PRKN: variants seen among roughly 807,000 people sequenced by gnomAD.
PRKN encodes the protein E3 ubiquitin-protein ligase parkin.
A neutral mutation model predicts 59.5 loss-of-function variants in PRKN; 56 were observed. The observed-to-expected ratio is 0.94, with a 90% CI of 0.76 to 1.18. The LOEUF is 1.18. PRKN is among the 50% of genes most tolerant of loss of function. The pLI, the probability that PRKN is intolerant of heterozygous loss-of-function variation, is 0.00. For synonymous variants in PRKN, 250 were observed against 222.1 expected (o/e 1.13, Z -1.12); for missense variants, 657 against 596.4 (o/e 1.10, Z -1.06).
intron 6 of PRKN, among the ~76,000 whole-genome samples, chr6:161,970,054 AT>A (rs1451525713): frequency 6.6e-6 from 1 of 151,944 alleles, no homozygotes; most frequent in Non-Finnish European, 1.5e-5. Context: ...TTCATTTTTT[AT>A]TTTTTTGAGA....
At chr6:162,583,842 A>G (rs923043873) in intron 1 of PRKN, among the ~76,000 whole-genome samples, 1 of 152,156 alleles carries the variant, frequency 6.6e-6, no homozygotes, top group East Asian at 1.9e-4. Flanking sequence ...AATATAACCC[A>G]CCACTATCCT....
intron 2 of PRKN, among the ~76,000 whole-genome samples, chr6:162,302,972 AC>A (rs1287904015): frequency 1.4e-4 from 17 of 124,418 alleles, no homozygotes; most frequent in African/African-American, 7.2e-4. Context: ...ATACACACAC[AC>A]ACACACACAC....
chr6:161,527,012 C>A lies in PRKN; in HGVS notation c.1083+21842G>T, dbSNP rs1055758254. ...GCTATCTTGTTATACCGATAGAAAG[C>A]CTCAGGAGTAGTAAAAGTTGTTTCA... On this transcript the variant is annotated intron_variant, in intron 9 of 11. Coordinates refer to ENST00000366898, the MANE Select transcript of PRKN (RefSeq NM_004562.3). This position sits in a 1 kb window ranked among gnomAD's most constrained non-coding sequence, Gnocchi z 4.6. Among the ~76,000 whole-genome samples, 1 of 152,062 alleles carries A rather than the reference C, an allele frequency of 6.6e-6. No individual in the cohort carries two copies. The highest frequency in any genetic ancestry group is 2.4e-5 in the African/African-American group (1 of 41,392).
intron 7 of PRKN, among the ~76,000 whole-genome samples, chr6:161,723,939 C>T (rs1415639013): frequency 6.6e-6 from 1 of 152,206 alleles, no homozygotes; most frequent in Non-Finnish European, 1.5e-5. Context: ...GTCTCCACCA[C>T]CCTCTCCACT....
chr6:162,427,171 T>C (rs1358917589), intron 2 of PRKN, among the ~76,000 whole-genome samples: 1 of 152,178 alleles, frequency 6.6e-6, no homozygotes, highest in Non-Finnish European at 1.5e-5. Flanking sequence ...CCAGTCAGGC[T>C]CAAAATTTAA....
intron 3 of PRKN, among the ~76,000 whole-genome samples, chr6:162,251,484 C>G (rs1307112789): frequency 6.6e-6 from 1 of 152,172 alleles, no homozygotes; most frequent in African/African-American, 2.4e-5. Context: ...AGTCTCCAAG[C>G]AGCCACATTT....
intron 1 of PRKN, among the ~76,000 whole-genome samples, chr6:162,601,099 A>C (rs1247622326): frequency 3.3e-5 from 5 of 152,166 alleles, no homozygotes. Flanking sequence ...AGGCAACGGC[A>C]CCTGGTGAGG....
At chr6:161,600,893 A>C (rs1217262765) in intron 7 of PRKN, among the ~76,000 whole-genome samples, 1 of 152,152 alleles carries the variant, frequency 6.6e-6, no homozygotes, top group Non-Finnish European at 1.5e-5. Context: ...ATTCAAAACC[A>C]CTATTACCCA....
rs186698807 is a variant in PRKN at position 161,935,423 on chromosome 6, A to G, written c.734+37879T>C. ...CAAAAAATTACCCAGGTGTGGTGGT[A>G]TGTACCTGTAATCCCAGCTACTAGG... On this transcript the variant is annotated intron_variant, in intron 6 of 11. Coordinates refer to ENST00000366898, the MANE Select transcript of PRKN (RefSeq NM_004562.3). Among the ~76,000 whole-genome samples, 308 of 152,004 alleles carry G rather than the reference A, an allele frequency of 2.0e-3. 10 individuals carry two copies. The highest frequency in any genetic ancestry group is 5.8e-4 in the East Asian group (3 of 5,152).
Position 161,611,197 on chromosome 6 carries a change from C to T in PRKN, c.872-41781G>A, listed in dbSNP as rs368003004. Among the ~76,000 whole-genome samples the T allele has an allele frequency of 3.3e-5, 5 of 152,236 alleles. No homozygotes were observed. In the East Asian group the frequency reaches 9.7e-4, roughly 29 times the overall value. ...TGTGATGGAAAGATGATCAATGGAA[C>T]CACCAGGCGTGGAAATAATGTGAGT... On this transcript the variant is annotated intron_variant, in intron 7 of 11. Coordinates refer to ENST00000366898, the MANE Select transcript of PRKN (RefSeq NM_004562.3).
intron 9 of PRKN, among the ~76,000 whole-genome samples, chr6:161,512,068 T>C (rs768586025): frequency 6.6e-6 from 1 of 152,176 alleles, no homozygotes; most frequent in Non-Finnish European, 1.5e-5. Context: ...TGACAAAAAT[T>C]ATACAGTAGC....
intron 7 of PRKN, among the ~76,000 whole-genome samples, chr6:161,758,960 C>T (rs966824022): frequency 8.6e-5 from 13 of 152,014 alleles, no homozygotes; most frequent in African/African-American, 2.2e-4. Context: ...AGGTGGATCA[C>T]GAGGCCAGGA....
intron 1 of PRKN, among the ~76,000 whole-genome samples, chr6:162,602,219 C>T (rs1306006167): frequency 6.6e-6 from 1 of 152,148 alleles, no homozygotes; most frequent in Non-Finnish European, 1.5e-5. Context: ...GTCCTAAAGG[C>T]TTTAGCCAGA....
chr6:162,110,921 A>G (rs1780403040), intron 4 of PRKN, among the ~76,000 whole-genome samples: 1 of 152,172 alleles, frequency 6.6e-6, no homozygotes, highest in African/African-American at 2.4e-5. Flanking sequence ...GACATCCCAA[A>G]AAAGGACTGG....
chr6:162,326,669 G>A (rs551211855), intron 2 of PRKN, among the ~76,000 whole-genome samples: 1 of 152,246 alleles, frequency 6.6e-6, no homozygotes, highest in South Asian at 2.1e-4. Flanking sequence ...ACTGCCCAAG[G>A]TTTGCATCAT....
chr6:161,739,912 G>A (rs773893990), intron 7 of PRKN, among the ~76,000 whole-genome samples: 37 of 152,110 alleles, frequency 2.4e-4, no homozygotes, highest in Non-Finnish European at 4.4e-4. Flanking sequence ...ACACCACCAC[G>A]CCCAGCTAGT....
At chr6:162,002,858 G>A (rs948437546) in intron 5 of PRKN, among the ~76,000 whole-genome samples, 10 of 151,932 alleles carry the variant, frequency 6.6e-5, no homozygotes, top group Admixed American at 6.6e-4. Context: ...AAATACTCTT[G>A]TGATTTATTA....
At chr6:162,160,174 C>T (rs952123123) in intron 4 of PRKN, among the ~76,000 whole-genome samples, 1 of 152,102 alleles carries the variant, frequency 6.6e-6, no homozygotes, top group African/African-American at 2.4e-5. Flanking sequence ...TGCATCTAGA[C>T]TCTATAAATA....
chr6:162,324,954 C>T (rs1783198057), intron 2 of PRKN, among the ~76,000 whole-genome samples: 1 of 151,778 alleles, frequency 6.6e-6, no homozygotes, highest in Non-Finnish European at 1.5e-5. Context: ...AACAAAATTA[C>T]TACTGTTGCT....
Sources: allele counts gnomAD v4.1 joint callset (sites outside exome capture counted in the v4.1 genomes callset), GRCh38; gene constraint gnomAD v4.1.1; non-coding constraint Gnocchi (gnomAD v3.1); transcripts MANE v1.5; gene names NCBI Gene and HGNC (gene_info 2026-07-23, HGNC 2026-07-21).